Variants in AXIN2 observed in about 807,000 individuals in gnomAD.
The protein encoded by AXIN2 is axin 2.
Under a neutral mutation model 74.7 loss-of-function variants are expected in AXIN2, and 21 were observed. The observed-to-expected ratio is 0.28, with a 90% CI of 0.20 to 0.40. AXIN2 has a LOEUF of 0.40. Ranked by LOEUF, AXIN2 falls within the 10% of genes least tolerant of loss-of-function variation. The probability of loss-of-function intolerance (pLI) is 1.00; values close to 1 mark genes in which losing one functional copy is unlikely to be tolerated. For missense variants in AXIN2, 1,144 were observed against 1,111.1 expected, an observed-to-expected ratio of 1.03 and a Z score of -0.42; for synonymous variants, 532 against 454.9, an observed-to-expected ratio of 1.17 and a Z score of -2.16.
chr17:65,546,235 C>T (rs1318730226), intron 3 of AXIN2, among the ~76,000 whole-genome samples: 2 of 152,122 alleles, frequency 1.3e-5, no homozygotes, highest in Admixed American at 6.5e-5. Flanking sequence ...CCCTCTTATC[C>T]CCTCTAAGCT....
chr17:65,536,690 G>C (rs559288904), intron 7 of AXIN2, 137 bp from the exon 8 acceptor site: 1 of 1,367,300 alleles, frequency 7.3e-7, no homozygotes, highest in African/African-American at 1.4e-5. Flanking sequence ...ACATGAACAG[G>C]GGTCAGTGCC....
At chr17:65,553,584 A>G (rs1244127399) in intron 2 of AXIN2, among the ~76,000 whole-genome samples, 1 of 151,990 alleles carries the variant, frequency 6.6e-6, no homozygotes, top group East Asian at 1.9e-4. Context: ...CCCAAAATAA[A>G]CTTGTCTCCC....
chr17:65,559,243 C>T (rs922578521), intron 1 of AXIN2, among the ~76,000 whole-genome samples: 4 of 152,088 alleles, frequency 2.6e-5, no homozygotes, highest in South Asian at 2.1e-4. Context: ...CCAAACGTGC[C>T]CTTCCCCGGC....
chr17:65,536,781 G>C, intron 7 of AXIN2, 88 bp downstream of exon 7: 1 of 1,559,782 alleles, frequency 6.4e-7, no homozygotes, highest in Non-Finnish European at 8.8e-7. Flanking sequence ...TTTGTATTCC[G>C]CGGACTGCAA....
At position 65,536,951 on chromosome 17, in the gene AXIN2, G is replaced by A. The variant is rs1389567952; in HGVS notation, c.1825C>T (p.Pro609Ser). The change falls in exon 7 of 11, where the codon CCC becomes TCC. Residue 609 changes from proline (P) to serine (S), a missense_variant. Coordinates refer to ENST00000307078, the MANE Select transcript of AXIN2 (RefSeq NM_004655.4). ...TGCGACCTGTCTCCTTCCTCCCGGG[G>A]AAGCTGCAGGGCCCCAGCTCCGCCG... ...APGGAGALQL[P>S]REEGDRSQDV... 6.2e-7 allele frequency: 1 copy of A among 1,613,526 alleles called. No individual in the cohort carries two copies. Among genetic ancestry groups the A allele is most frequent in the East Asian group, 2.2e-5 (1 of 44,852 alleles).
Position 65,529,987 on chromosome 17 carries a change from G to A in AXIN2, c.2521C>T (p.Arg841Trp), listed in dbSNP as rs527766429. The A allele has an allele frequency of 2.7e-5, 44 of 1,614,104 alleles. No homozygotes were observed. Among genetic ancestry groups the A allele is most frequent in the South Asian group, 8.8e-5 (8 of 91,084 alleles). ...YEGRILGKVE[R>W]ID ...CCAGACCCCAGGGCTCAATCGATCC[G>A]CTCCACTTTGCCCAGAATCCGGCCT... is the stretch of plus-strand genomic sequence containing the variant. Residue 841 changes from arginine (R) to tryptophan (W), a missense_variant, in exon 11 of 11, where the codon CGG becomes TGG. By Grantham distance (101) the Arg-to-Trp change is moderately radical (BLOSUM62 -3). Coordinates refer to ENST00000307078, the MANE Select transcript of AXIN2 (RefSeq NM_004655.4).
chr17:65,536,720 G>C, intron 7 of AXIN2, 149 bp downstream of exon 7: 1 of 1,409,876 alleles, frequency 7.1e-7, no homozygotes, highest in South Asian at 1.2e-5. Context: ...CATTTTTGTG[G>C]TCTGCTCAGT....
At chr17:65,551,448 A>G (rs1309763614) in intron 2 of AXIN2, among the ~76,000 whole-genome samples, 1 of 152,184 alleles carries the variant, frequency 6.6e-6, no homozygotes, top group Non-Finnish European at 1.5e-5. Flanking sequence ...GGGAGGGGCC[A>G]GGAGGCCAGG....
rs775428814 is a variant in AXIN2 at position 65,538,667 on chromosome 17, C to CAAAAAAAAAAAAAAA, written c.1060-339_1060-325dup. Among the ~76,000 whole-genome samples the CAAAAAAAAAAAAAAA allele has an allele frequency of 5.1e-3, 182 of 35,828 alleles. 87 individuals carry two copies. The highest frequency in any genetic ancestry group is 0.017 in the East Asian group (16 of 944). 23.5% of individuals were successfully genotyped at this position (35,828 alleles called of 152,430 possible). ...ATCTTCAAAGACTGTTGTCAACCAT[C>CAAAAAAAAAAAAAAA]AAAAAAAAAAAAAAAAAAAAAAAAA... is the stretch of plus-strand genomic sequence containing the variant. On this transcript the variant is annotated intron_variant, in intron 4 of 10. Transcript: ENST00000307078.
chr17:65,558,410 G>C lies in AXIN2; in HGVS notation c.211C>G (p.Pro71Ala), dbSNP rs769064498. The change falls in exon 2 of 11, where the codon CCG becomes GCG. Residue 71 changes from proline (P) to alanine (A), a missense_variant. Physicochemically the swap from Pro to Ala is conservative, Grantham distance 27 (BLOSUM62 -1). This residue lies in a region of AXIN2 where 1,053 missense variants were observed against 973.5 expected (regional missense o/e 1.08). Transcript: ENST00000307078. Reference protein sequence around the residue: ...GLGEPEGRASPDSPLTRWTKS... With the variant: ...GLGEPEGRASADSPLTRWTKS... ...GTCCACCGGGTCAGAGGGGAATCCG[G>C]AGATGCCCGCCCCTCCGGCTCCCCC... is the stretch of plus-strand genomic sequence containing the variant. 2 of 1,603,348 alleles carry C rather than the reference G, an allele frequency of 1.2e-6. No homozygotes were observed. Among genetic ancestry groups the C allele is most frequent in the Admixed American group, 3.4e-5 (2 of 59,568 alleles).
At chr17:65,545,747 C>CT (rs2044109334) in intron 3 of AXIN2, among the ~76,000 whole-genome samples, 1 of 152,124 alleles carries the variant, frequency 6.6e-6, no homozygotes, top group East Asian at 1.9e-4. Context: ...GCCCAGCCAT[C>CT]TTTAACAGGA....
intron 6 of AXIN2, 51 bp downstream of exon 6, chr17:65,537,273 T>C (rs2043942629): frequency 1.9e-6 from 3 of 1,611,636 alleles, no homozygotes; most frequent in Middle Eastern, 3.9e-4. Context: ...CCCATGGACC[T>C]GGCTGGGAGA....
chr17:65,530,837 C>T (rs1318290100), intron 10 of AXIN2, among the ~76,000 whole-genome samples: 1 of 152,210 alleles, frequency 6.6e-6, no homozygotes, highest in East Asian at 1.9e-4. Flanking sequence ...TCTATTATGC[C>T]CGTTGATTAA....
chr17:65,544,419 C>G (rs1288642128), intron 3 of AXIN2, among the ~76,000 whole-genome samples: 1 of 135,030 alleles, frequency 7.4e-6, no homozygotes, highest in Non-Finnish European at 1.5e-5. Context: ...TTACCCAGGG[C>G]AGGTGAAGGA....
At chr17:65,531,291 C>A (rs1219739648) in intron 10 of AXIN2, among the ~76,000 whole-genome samples, 1 of 151,984 alleles carries the variant, frequency 6.6e-6, no homozygotes, top group Admixed American at 6.6e-5. Context: ...AGGCTAAATA[C>A]AGTGAACAGC....
intron 10 of AXIN2, among the ~76,000 whole-genome samples, chr17:65,532,825 G>A (rs900361898): frequency 6.6e-6 from 1 of 152,226 alleles, no homozygotes; most frequent in African/African-American, 2.4e-5. Context: ...CCTGGCACAG[G>A]GACAACAGCA....
Position 65,558,334 on chromosome 17 carries a change from C to A in AXIN2, c.287G>T (p.Arg96Leu). The A allele has an allele frequency of 6.2e-7, 1 of 1,614,182 alleles. No individual in the cohort carries two copies. Among genetic ancestry groups the A allele is most frequent in the Non-Finnish European group, 8.5e-7 (1 of 1,180,020 alleles). Residue 96 changes from arginine (R) to leucine (L), a missense_variant, in exon 2 of 11, where the codon CGA (arginine) becomes CTA (leucine). By Grantham distance (102) the Arg-to-Leu change is moderately radical. This residue lies in a region of AXIN2 where 1,053 missense variants were observed against 973.5 expected (regional missense o/e 1.08). Transcript: ENST00000307078. Reference sequence around the variant, plus strand: ...GCATTTCTCCCTCTCCAGGAAAGTTCGGAACAGGTAAGCACCGTCTTGATC... The same window carrying A: ...GCATTTCTCCCTCTCCAGGAAAGTTAGGAACAGGTAAGCACCGTCTTGATC... The part of the protein sequence containing the change: ...LGDQDGAYLF[R>L]TFLEREKCVD...
In AXIN2 at chr17:65,558,523, G is replaced by C. The variant is rs771093792; in HGVS notation, c.98C>G (p.Thr33Ser). The C allele has an allele frequency of 2.1e-5, 34 of 1,613,892 alleles. No individual in the cohort carries two copies. Among genetic ancestry groups the C allele is most frequent in the Non-Finnish European group, 2.8e-5 (33 of 1,179,982 alleles). The change falls in exon 2 of 11, where the codon ACC becomes AGC. Residue 33 changes from threonine to serine, a missense_variant. By Grantham distance (58) the Thr-to-Ser change is moderately conservative. This residue lies in a region of AXIN2 where 1,053 missense variants were observed against 973.5 expected (regional missense o/e 1.08). Transcript: ENST00000307078. ...GCCCACCCCTGGCTGACACGGTGGG[G>C]TCTCCCCTTCTTCCCCTGGCACTGG... is the stretch of plus-strand genomic sequence containing the variant. ...RPPVPGEEGE[T>S]PPCQPGVGKG...
At chr17:65,555,198 G>A (rs778993209) in intron 2 of AXIN2, among the ~76,000 whole-genome samples, 1 of 152,186 alleles carries the variant, frequency 6.6e-6, no homozygotes, top group Non-Finnish European at 1.5e-5. Flanking sequence ...CCAGGCATCC[G>A]GCTGCCAAGA....
Sources: gnomAD v4.1 joint callset for allele counts (sites outside exome capture counted in the v4.1 genomes callset) on GRCh38, gnomAD v4.1.1 for gene constraint, gnomAD v4.1.1 regional missense constraint, MANE v1.5 for transcripts, NCBI Gene and HGNC (gene_info 2026-07-23, HGNC 2026-07-21) for gene names.